RAB40B: variants seen among roughly 807,000 people sequenced by gnomAD.
RAB40B encodes the protein RAB40B, member RAS oncogene family.
RAB40B carries 21 observed loss-of-function variants against 24.0 expected under a neutral mutation model. The ratio of observed to expected loss-of-function variants is 0.88; its 90% CI spans 0.62 to 1.26. The LOEUF is 1.26. Among genes scored for constraint, RAB40B ranks in the 50% most tolerant of loss-of-function variants. The pLI is 0.00. For missense variants in RAB40B, 348 were observed against 390.5 expected, an observed-to-expected ratio of 0.89 and a Z score of 0.92; for synonymous variants, 167 against 169.8, an observed-to-expected ratio of 0.98 and a Z score of 0.13.
In RAB40B at chr17:82,698,666, G is replaced by T; in HGVS notation, c.-70C>A. 2 of 1,130,890 alleles carry T rather than the reference G, an allele frequency of 1.8e-6. No individual in the cohort carries two copies. The highest frequency in any genetic ancestry group is 2.2e-6 in the Non-Finnish European group (2 of 912,286). The allele number at this position is 1,130,890 out of a possible 1,614,324, so 70.1% of individuals were successfully genotyped here. A position where few individuals can be genotyped will look rare whatever the true frequency, so the allele number is the denominator to read the frequency against. On this transcript the variant is annotated 5_prime_UTR_variant, in exon 1 of 6. Transcript: ENST00000571995. ...AGCGCAGAGGCGGCGGCCCGGCCCCGAGAGGCGCCGCGCGGGCCCCGAGTC... is the reference window on the plus strand; with the variant it reads ...AGCGCAGAGGCGGCGGCCCGGCCCCTAGAGGCGCCGCGCGGGCCCCGAGTC...
intron 1 of RAB40B, among the ~76,000 whole-genome samples, chr17:82,688,753 G>A (rs1416227596): frequency 6.6e-6 from 1 of 152,084 alleles, no homozygotes; most frequent in African/African-American, 2.4e-5. Flanking sequence ...GGCCAACATA[G>A]TGAAACCCCG....
intron 1 of RAB40B, among the ~76,000 whole-genome samples, chr17:82,668,878 G>A (rs954272525): frequency 1.1e-4 from 16 of 152,250 alleles, no homozygotes; most frequent in Admixed American, 1.0e-3. Flanking sequence ...CATCTTGGCA[G>A]CAGCCACTCT....
At chr17:82,683,005 T>C (rs1378372938) in intron 1 of RAB40B, among the ~76,000 whole-genome samples, 1 of 152,114 alleles carries the variant, frequency 6.6e-6, no homozygotes, top group African/African-American at 2.4e-5. Context: ...TAGCCGGGCA[T>C]GGTGGCACAC....
At chr17:82,670,271 G>A (rs1480025779) in intron 1 of RAB40B, among the ~76,000 whole-genome samples, 1 of 132,612 alleles carries the variant, frequency 7.5e-6, no homozygotes, top group Non-Finnish European at 1.5e-5. Flanking sequence ...TGCAACCTCC[G>A]CCCACCGGGT....
intron 4 of RAB40B, 92 bp from the exon 5 acceptor site, chr17:82,658,805 C>T (rs2046122757): frequency 5.1e-6 from 6 of 1,173,888 alleles, no homozygotes; most frequent in African/African-American, 3.1e-5. Flanking sequence ...AGGAACCCCC[C>T]ACGAGTTCAT....
chr17:82,680,770 G>A lies in RAB40B; in HGVS notation c.143-16214C>T, dbSNP rs191257929. Among the ~76,000 whole-genome samples the A allele has an allele frequency of 4.9e-4, 75 of 152,076 alleles. 2 individuals are homozygous for A. The East Asian group carries it at 0.012, about 25-fold the overall frequency. ...TTCTGGGCCAGGCACGGTGGCTCAC[G>A]CCTTTAATCCCAGCACTTTGGAAGG... On this transcript the variant is annotated intron_variant, in intron 1 of 5. Transcript: ENST00000571995.
intron 1 of RAB40B, among the ~76,000 whole-genome samples, chr17:82,691,095 G>A (rs1318321975): frequency 6.6e-6 from 1 of 152,178 alleles, no homozygotes; most frequent in Non-Finnish European, 1.5e-5. Flanking sequence ...GCACCCCGGT[G>A]TGTCCACGCA....
rs955801164 is a variant in RAB40B at position 82,675,766 on chromosome 17, C to T, written c.143-11210G>A. Among the ~76,000 whole-genome samples, 1 of 152,274 alleles carries T rather than the reference C, an allele frequency of 6.6e-6. No homozygotes were observed. The highest frequency in any genetic ancestry group is 2.1e-4 in the South Asian group (1 of 4,830). On this transcript the variant is annotated intron_variant, in intron 1 of 5. Transcript: ENST00000571995. The surrounding 1 kb of genome is among the most constrained non-coding windows in gnomAD (Gnocchi z 4.5). The stretch of plus-strand genomic sequence containing the variant: ...AGCCCCACGTGACCTAATCATCTTC[C>T]AATAGCCCCATCTTCTAACACCATC...
chr17:82,683,874 C>A (rs890198574), intron 1 of RAB40B, among the ~76,000 whole-genome samples: 3 of 150,606 alleles, frequency 2.0e-5, no homozygotes, highest in African/African-American at 7.3e-5. Context: ...AGACACTTCA[C>A]CAAAGAGAAT....
chr17:82,696,033 C>G (rs1445125421), intron 1 of RAB40B, among the ~76,000 whole-genome samples: 1 of 151,630 alleles, frequency 6.6e-6, no homozygotes, highest in Admixed American at 6.6e-5. Context: ...CCATGCTCGG[C>G]TAATTTTTGT....
intron 1 of RAB40B, among the ~76,000 whole-genome samples, chr17:82,666,995 G>A (rs1460928731): frequency 3.3e-5 from 5 of 152,216 alleles, no homozygotes; most frequent in Admixed American, 2.0e-4. Flanking sequence ...CTGAGAGGCC[G>A]AGGGGAGAAG....
At chr17:82,674,413 T>C (rs756178097) in intron 1 of RAB40B, among the ~76,000 whole-genome samples, 9 of 148,680 alleles carry the variant, frequency 6.1e-5, no homozygotes, top group Middle Eastern at 3.3e-3. Flanking sequence ...GGGCGGATCA[T>C]GAGGTCAGGA....
At chr17:82,676,674 C>T (rs77819445) in intron 1 of RAB40B, among the ~76,000 whole-genome samples, 4,591 of 152,224 alleles carry the variant, frequency 0.03, 123 homozygotes, top group East Asian at 0.13. Flanking sequence ...GTCGCCCAGG[C>T]TGGAATGCAA....
At chr17:82,662,685 G>A (rs2046189531) in intron 2 of RAB40B, 1 of 985,212 alleles carries the variant, frequency 1.0e-6, no homozygotes, top group Non-Finnish European at 1.2e-6. Flanking sequence ...GCAGCCTCAG[G>A]GTCCTGCTGG....
intron 1 of RAB40B, among the ~76,000 whole-genome samples, chr17:82,682,013 T>C (rs188470202): frequency 6.6e-6 from 1 of 152,194 alleles, no homozygotes; most frequent in Admixed American, 6.5e-5. Context: ...TTCAATATCA[T>C]TTTGGAAGTT....
chr17:82,682,046 A>G (rs1239484269), intron 1 of RAB40B, among the ~76,000 whole-genome samples: 2 of 152,140 alleles, frequency 1.3e-5, no homozygotes, highest in African/African-American at 4.8e-5. Context: ...ATAAGGCAAC[A>G]AAAAGAAAGA....
intron 1 of RAB40B, among the ~76,000 whole-genome samples, chr17:82,666,920 G>C (rs1020415177): frequency 6.6e-6 from 1 of 152,176 alleles, no homozygotes; most frequent in Non-Finnish European, 1.5e-5. Context: ...GGCTGTGATC[G>C]GATGTTGAGT....
chr17:82,695,269 T>TTC (rs2046597303), intron 1 of RAB40B, among the ~76,000 whole-genome samples: 2 of 150,896 alleles, frequency 1.3e-5, no homozygotes, highest in East Asian at 3.9e-4. Flanking sequence ...TCAGCTCACT[T>TTC]CACCCTCCAC....
At chr17:82,685,467 G>A (rs1341317963) in intron 1 of RAB40B, among the ~76,000 whole-genome samples, 3 of 152,166 alleles carry the variant, frequency 2.0e-5, no homozygotes, top group African/African-American at 7.2e-5. Context: ...GGCAGAATGA[G>A]CTGTGTAGCC....
Sources: gnomAD v4.1 joint callset for allele counts (sites outside exome capture counted in the v4.1 genomes callset) on GRCh38, gnomAD v4.1.1 for gene constraint, Gnocchi (gnomAD v3.1) non-coding constraint, MANE v1.5 for transcripts, NCBI Gene and HGNC (gene_info 2026-07-23, HGNC 2026-07-21) for gene names.